The following PRKCA variants were observed in gnomAD, a reference collection of about 807,000 sequenced individuals.
PRKCA encodes protein kinase C alpha type.
In PRKCA, 27 loss-of-function variants were observed where a neutral mutation model predicts 87.0. That is an observed-to-expected ratio of 0.31 (90% confidence interval 0.23 to 0.43). PRKCA has a LOEUF of 0.43. Among genes scored for constraint, PRKCA ranks in the 20% least tolerant of loss-of-function variants. PRKCA has a pLI of 1.00. For synonymous variants in PRKCA, 329 were observed against 311.1 expected, an observed-to-expected ratio of 1.06 and a Z score of -0.61; for missense variants, 518 against 852.3, an observed-to-expected ratio of 0.61 and a Z score of 4.88.
intron 5 of PRKCA, among the ~76,000 whole-genome samples, chr17:66,682,181 T>C (rs1972511488): frequency 6.6e-6 from 1 of 152,228 alleles, no homozygotes; most frequent in Non-Finnish European, 1.5e-5. Flanking sequence ...TAGGTGGTTC[T>C]CCATCTTCAT....
intron 4 of PRKCA, 34 bp from the exon 5 acceptor site, chr17:66,645,349 T>G: frequency 1.2e-6 from 2 of 1,613,854 alleles, no homozygotes; most frequent in Non-Finnish European, 1.7e-6. Flanking sequence ...GGAGTCCATA[T>G]GCCCAGCTCA....
intron 3 of PRKCA, among the ~76,000 whole-genome samples, chr17:66,610,084 A>G (rs1375077645): frequency 6.6e-6 from 1 of 152,182 alleles, no homozygotes; most frequent in East Asian, 1.9e-4. Flanking sequence ...ACTACTCATA[A>G]GTACAGGTTA....
At chr17:66,379,815 T>C (rs112176676) in intron 2 of PRKCA, among the ~76,000 whole-genome samples, 3 of 152,340 alleles carry the variant, frequency 2.0e-5, no homozygotes, top group African/African-American at 7.2e-5. Flanking sequence ...TCATGGATAT[T>C]CCTTTGTTCC....
chr17:66,303,680 T>A (rs1904643848), intron 1 of PRKCA, among the ~76,000 whole-genome samples: 1 of 151,878 alleles, frequency 6.6e-6, no homozygotes, highest in East Asian at 1.9e-4. Context: ...AGCAGGCAAA[T>A]GGCACAAGGG....
chr17:66,396,110 G>T (rs1040132948), intron 2 of PRKCA, among the ~76,000 whole-genome samples: 22 of 151,748 alleles, frequency 1.4e-4, no homozygotes, highest in Non-Finnish European at 1.6e-4. Flanking sequence ...TAAGGATATG[G>T]TTGCTAAGTA....
In PRKCA at chr17:66,792,442, C is replaced by G. The variant is rs1975563220; in HGVS notation, c.1854+3463C>G. Reference sequence around the variant, plus strand: ...CTGACTTCCCTAAGGAGGGTAGAAGCATTCCACTGCTGGACAGCCACAGAG... The same window carrying G: ...CTGACTTCCCTAAGGAGGGTAGAAGGATTCCACTGCTGGACAGCCACAGAG... On this transcript the variant is annotated intron_variant, in intron 16 of 16. Transcript: ENST00000413366. This position sits in a 1 kb window ranked among gnomAD's most constrained non-coding sequence, Gnocchi z 4.5. Among the ~76,000 whole-genome samples, 1 of 152,208 alleles carries G rather than the reference C, an allele frequency of 6.6e-6. No individual in the cohort carries two copies. Among genetic ancestry groups the G allele is most frequent in the Non-Finnish European group, 1.5e-5 (1 of 68,040 alleles).
chr17:66,641,514 G>A (rs1337128605), intron 4 of PRKCA, 48 bp downstream of exon 4: 2 of 1,422,586 alleles, frequency 1.4e-6, no homozygotes, highest in South Asian at 2.5e-5. Flanking sequence ...TGTAGCTCAT[G>A]CTCAGGGTTT....
chr17:66,557,751 A>AT (rs994004185), intron 3 of PRKCA, among the ~76,000 whole-genome samples: 2 of 152,146 alleles, frequency 1.3e-5, no homozygotes, highest in South Asian at 4.1e-4. Flanking sequence ...AAAACCTAGA[A>AT]TTTTTTGCCA....
chr17:66,714,131 C>T (rs181104293), intron 8 of PRKCA, among the ~76,000 whole-genome samples: 4 of 152,052 alleles, frequency 2.6e-5, no homozygotes, highest in Non-Finnish European at 5.9e-5. Context: ...GTATCTCGTG[C>T]GGTGGTGAAG....
chr17:66,573,171 A>G (rs1969128643), intron 3 of PRKCA, among the ~76,000 whole-genome samples: 1 of 152,230 alleles, frequency 6.6e-6, no homozygotes, highest in Non-Finnish European at 1.5e-5. Context: ...ACAAACCAAA[A>G]TAGAAAGCAG....
intron 2 of PRKCA, among the ~76,000 whole-genome samples, chr17:66,345,080 A>G (rs1907277053): frequency 6.6e-6 from 1 of 152,024 alleles, no homozygotes; most frequent in Admixed American, 6.6e-5. Flanking sequence ...TTTGTCTCCT[A>G]TTTCTTTTGC....
At chr17:66,449,669 T>C (rs1914211597) in intron 2 of PRKCA, among the ~76,000 whole-genome samples, 1 of 152,112 alleles carries the variant, frequency 6.6e-6, no homozygotes, top group Non-Finnish European at 1.5e-5. Context: ...AAACATCAAG[T>C]GTTCAAGTCA....
intron 3 of PRKCA, among the ~76,000 whole-genome samples, chr17:66,578,536 A>C (rs2143446538): frequency 6.6e-6 from 1 of 151,436 alleles, no homozygotes; most frequent in Middle Eastern, 3.4e-3. Flanking sequence ...AAACATGTAT[A>C]AGGCCATGAA....
chr17:66,495,244 C>T (rs186861964), intron 2 of PRKCA, among the ~76,000 whole-genome samples: 133 of 152,256 alleles, frequency 8.7e-4, no homozygotes, highest in Middle Eastern at 3.4e-3. Context: ...CAGGAACTCT[C>T]CCAACTGGTG....
At chr17:66,652,648 G>T (rs1022869104) in intron 5 of PRKCA, among the ~76,000 whole-genome samples, 3 of 152,168 alleles carry the variant, frequency 2.0e-5, no homozygotes, top group African/African-American at 7.2e-5. Context: ...TCTAGAAAGT[G>T]ATATAGGTGT....
At chr17:66,729,729 C>G (rs959911659) in intron 8 of PRKCA, among the ~76,000 whole-genome samples, 1 of 151,292 alleles carries the variant, frequency 6.6e-6, no homozygotes, top group Non-Finnish European at 1.5e-5. Context: ...CTCAACTCAT[C>G]AGAGCATGTT....
intron 5 of PRKCA, among the ~76,000 whole-genome samples, chr17:66,675,845 G>A (rs899543927): frequency 6.6e-6 from 1 of 152,078 alleles, no homozygotes; most frequent in Non-Finnish European, 1.5e-5. Flanking sequence ...TGGTTCCTCC[G>A]CGGGGTCCCA....
intron 8 of PRKCA, among the ~76,000 whole-genome samples, chr17:66,708,383 G>A (rs887929590): frequency 6.6e-6 from 1 of 150,462 alleles, no homozygotes; most frequent in Non-Finnish European, 1.5e-5. Context: ...TAGAGCAAGA[G>A]GTGCTGTGCG....
chr17:66,476,605 TTGTA>T (rs1273403671), intron 2 of PRKCA, among the ~76,000 whole-genome samples: 10 of 152,198 alleles, frequency 6.6e-5, no homozygotes, highest in African/African-American at 2.4e-4. Context: ...TTGGATTTCT[TTGTA>T]TGTTTTCTCT....
Sources: gnomAD v4.1 joint callset for allele counts (sites outside exome capture counted in the v4.1 genomes callset) on GRCh38, gnomAD v4.1.1 for gene constraint, Gnocchi (gnomAD v3.1) non-coding constraint, MANE v1.5 for transcripts, NCBI Gene and HGNC (gene_info 2026-07-23, HGNC 2026-07-21) for gene names.